PTBP2: variants seen among roughly 807,000 people sequenced by gnomAD.
PTBP2 encodes the protein polypyrimidine tract-binding protein 2.
PTBP2 carries 13 observed loss-of-function variants against 61.4 expected under a neutral mutation model. The observed-to-expected ratio is 0.21, with a 90% CI of 0.14 to 0.34. The LOEUF is 0.34. Ranked by LOEUF, PTBP2 falls within the 10% of genes least tolerant of loss-of-function variation. The pLI is 1.00. For missense variants in PTBP2, 405 were observed against 642.6 expected (o/e 0.63, Z 4.00); for synonymous variants, 215 against 218.5 (o/e 0.98, Z 0.14).
chr1:96,821,606 AT>A (rs1662686342), exon 14 of PTBP2: 1 of 150,428 alleles, frequency 6.6e-6, no homozygotes, highest in Admixed American at 6.7e-5. Context: ...AGCCACATAA[AT>A]TGCTAACATT....
At chr1:96,799,294 C>CTTTTT (rs373815292) in intron 8 of PTBP2, among the ~76,000 whole-genome samples, 1,582 of 92,066 alleles carry the variant, frequency 0.017, 281 homozygotes, top group African/African-American at 0.068. Context: ...ATAGATCAAG[C>CTTTTT]TTTTTTTTTT....
At chr1:96,763,502 G>A (rs1023877027) in intron 3 of PTBP2, among the ~76,000 whole-genome samples, 1 of 151,288 alleles carries the variant, frequency 6.6e-6, no homozygotes, top group African/African-American at 2.4e-5. Context: ...CAGGCAGGGA[G>A]GTTGCAGTGA....
rs1658210099 is a variant in PTBP2, at chr1:96,777,907, C to G, written c.669C>G (p.Leu223=). The G allele has an allele frequency of 6.3e-7, 1 of 1,589,780 alleles. No homozygotes were observed. The highest frequency in any genetic ancestry group is 1.3e-5 in the African/African-American group (1 of 74,558). Reference sequence around the variant, plus strand: ...AAAATAACCAGTTTCAAGCTTTGCTCCAGTATGGTGATCCAGTAAATGCTC... The same window carrying G: ...AAAATAACCAGTTTCAAGCTTTGCTGCAGTATGGTGATCCAGTAAATGCTC... The part of the protein sequence containing the change: ...FTKNNQFQAL[L]QYGDPVNAQQ... The change falls in exon 7 of 14, where the codon CTC becomes CTG. Residue 223 remains leucine (L), a synonymous_variant. Coordinates refer to ENST00000674951, the MANE Select transcript of PTBP2 (RefSeq NM_021190.4).
intron 8 of PTBP2, among the ~76,000 whole-genome samples, chr1:96,803,344 C>T (rs1341463896): frequency 6.6e-6 from 1 of 151,494 alleles, no homozygotes; most frequent in East Asian, 1.9e-4. Flanking sequence ...ATTTTAGTCA[C>T]TTTTACTTTT....
At chr1:96,770,582 G>C in intron 4 of PTBP2, 126 bp from the exon 5 acceptor site, 1 of 894,766 alleles carries the variant, frequency 1.1e-6, no homozygotes, top group Non-Finnish European at 1.7e-6. Context: ...CTGCTTATCA[G>C]AACATTTAAA....
At chr1:96,792,876 CA>C (rs1290845233) in intron 8 of PTBP2, among the ~76,000 whole-genome samples, 9 of 151,042 alleles carry the variant, frequency 6.0e-5, no homozygotes, top group African/African-American at 2.2e-4. Flanking sequence ...AAAATTAAAC[CA>C]AAAAACTCAT....
chr1:96,816,026 G>C (rs12065829), downstream of PTBP2: 30,941 of 152,040 alleles, frequency 0.2, 3,342 homozygotes, highest in African/African-American at 0.27. Flanking sequence ...TGCTCATTGT[G>C]GGTGGGATTG....
At chr1:96,772,996 G>C (rs1657560372) in intron 5 of PTBP2, among the ~76,000 whole-genome samples, 1 of 151,454 alleles carries the variant, frequency 6.6e-6, no homozygotes, top group South Asian at 2.1e-4. Flanking sequence ...GGTGCCAGGT[G>C]CCTGTAATCC....
chr1:96,732,786 A>G (rs951308883), intron 2 of PTBP2, among the ~76,000 whole-genome samples: 2 of 152,162 alleles, frequency 1.3e-5, no homozygotes, highest in Non-Finnish European at 2.9e-5. Flanking sequence ...GACGTAACCA[A>G]AGTTGTGTCT....
intron 7 of PTBP2, 121 bp downstream of exon 7, chr1:96,778,067 CATTAAT>C (rs1276952788): frequency 5.0e-6 from 2 of 403,164 alleles, no homozygotes; most frequent in Non-Finnish European, 8.7e-6. Flanking sequence ...AAATTGATGG[CATTAAT>C]ATTAAGAAAC....
chr1:96,776,906 T>C (rs1019385873), intron 5 of PTBP2, among the ~76,000 whole-genome samples: 1 of 152,008 alleles, frequency 6.6e-6, no homozygotes, highest in Non-Finnish European at 1.5e-5. Context: ...CATAGTTCAA[T>C]TGGCAACATC....
At chr1:96,764,368 A>G (rs945880315) in intron 3 of PTBP2, among the ~76,000 whole-genome samples, 1 of 152,216 alleles carries the variant, frequency 6.6e-6, no homozygotes, top group Non-Finnish European at 1.5e-5. Context: ...TGATTTTGTT[A>G]AATTTGTAAC....
intron 3 of PTBP2, among the ~76,000 whole-genome samples, chr1:96,754,771 A>G (rs777029159): frequency 6.6e-6 from 1 of 152,182 alleles, no homozygotes; most frequent in Admixed American, 6.5e-5. Flanking sequence ...TAGACTTCCA[A>G]CAAAGGGTGC....
downstream of PTBP2, chr1:96,819,955 G>A (rs1391437955): frequency 6.6e-6 from 1 of 151,856 alleles, no homozygotes; most frequent in African/African-American, 2.4e-5. Flanking sequence ...TTAGCTACAG[G>A]AAGAGATAGA....
downstream of PTBP2, chr1:96,817,898 A>G (rs891655677): frequency 6.6e-6 from 1 of 152,128 alleles, no homozygotes; most frequent in Non-Finnish European, 1.5e-5. Context: ...AACACACTTT[A>G]TAATTTTTAA....
intron 8 of PTBP2, among the ~76,000 whole-genome samples, chr1:96,799,294 C>CCTTTTTTTTTTTTTT (rs1660724753): frequency 1.1e-5 from 1 of 92,198 alleles, no homozygotes; most frequent in Non-Finnish European, 2.0e-5. Flanking sequence ...ATAGATCAAG[C>CCTTTTTTTTTTTTTT]TTTTTTTTTT....
intron 7 of PTBP2, among the ~76,000 whole-genome samples, chr1:96,780,240 CTA>C (rs1557746028): frequency 6.6e-6 from 1 of 151,954 alleles, no homozygotes; most frequent in African/African-American, 2.4e-5. Flanking sequence ...TTATTTCTCT[CTA>C]TATTGGCCAC....
intron 11 of PTBP2, among the ~76,000 whole-genome samples, chr1:96,808,637 G>A (rs1324925008): frequency 6.6e-6 from 1 of 152,144 alleles, no homozygotes; most frequent in Non-Finnish European, 1.5e-5. Context: ...AATTTTATAA[G>A]ATATTGTCAC....
At chr1:96,738,822 A>G (rs1368978372) in intron 2 of PTBP2, among the ~76,000 whole-genome samples, 3 of 152,218 alleles carry the variant, frequency 2.0e-5, no homozygotes, top group Non-Finnish European at 4.4e-5. Flanking sequence ...TGCTTTAGAA[A>G]ATAATGCTTT....
Sources: gnomAD v4.1 joint callset for allele counts (sites outside exome capture counted in the v4.1 genomes callset) on GRCh38, gnomAD v4.1.1 for gene constraint, MANE v1.5 for transcripts, NCBI Gene and HGNC (gene_info 2026-07-23, HGNC 2026-07-21) for gene names.